The following CDH17 variants were observed in gnomAD, a reference collection of about 807,000 sequenced individuals.
The protein encoded by CDH17 is cadherin-17.
A neutral mutation model predicts 86.3 loss-of-function variants in CDH17; 67 were observed. The ratio of observed to expected loss-of-function variants is 0.78; its 90% CI spans 0.64 to 0.95. CDH17 has a LOEUF of 0.95. CDH17 is among the 40% of genes least tolerant of loss of function. CDH17 has a pLI of 0.00. For synonymous variants in CDH17, 367 were observed against 366.4 expected (o/e 1.00, Z -0.02); for missense variants, 993 against 1,017.6 (o/e 0.98, Z 0.33).
chr8:94,130,643 G>T lies in CDH17; in HGVS notation c.2381C>A (p.Thr794Asn), dbSNP rs937759442. 8 of 1,610,682 alleles carry T rather than the reference G, an allele frequency of 5.0e-6. No homozygotes were observed. The highest frequency in any genetic ancestry group is 6.8e-6 in the Non-Finnish European group (8 of 1,177,276). Residue 794 changes from threonine (T) to asparagine (N), a missense_variant, in exon 17 of 18, where the codon ACC becomes AAC. Thr to Asn is a moderately conservative substitution (Grantham distance 65). Coordinates refer to ENST00000027335, the MANE Select transcript of CDH17 (RefSeq NM_004063.4). ...ACACTCACCAATCACCAGAAGGGTGGTCAGCAGTATACCAACTGCCATGCC... is the reference window on the plus strand; with the variant it reads ...ACACTCACCAATCACCAGAAGGGTGTTCAGCAGTATACCAACTGCCATGCC... ...TVGMAVGILL[T>N]TLLVIGIILA...
intron 12 of CDH17, among the ~76,000 whole-genome samples, chr8:94,158,181 A>G (rs1278158048): frequency 6.6e-6 from 1 of 152,198 alleles, no homozygotes; most frequent in African/African-American, 2.4e-5. Flanking sequence ...GAATTCATTT[A>G]TTCATTAAGT....
chr8:94,156,929 T>C (rs778433385), intron 12 of CDH17, among the ~76,000 whole-genome samples: 4 of 152,184 alleles, frequency 2.6e-5, no homozygotes, highest in Admixed American at 6.5e-5. Context: ...GGTTACATCA[T>C]TTGGTCAAGG....
chr8:94,153,991 A>T (rs1812903521), intron 12 of CDH17, among the ~76,000 whole-genome samples: 1 of 152,242 alleles, frequency 6.6e-6, no homozygotes. Flanking sequence ...AGTTAACAAC[A>T]ATATAGTGTA....
chr8:94,182,719 A>C (rs953380575), intron 3 of CDH17, among the ~76,000 whole-genome samples: 11 of 152,224 alleles, frequency 7.2e-5, no homozygotes, highest in Admixed American at 5.9e-4. Flanking sequence ...AAGGATACTC[A>C]ATCTTGCCAC....
At chr8:94,201,513 C>G (rs1674259575) in intron 1 of CDH17, among the ~76,000 whole-genome samples, 2 of 152,212 alleles carry the variant, frequency 1.3e-5, no homozygotes, top group South Asian at 4.1e-4. Context: ...AATGTACAGA[C>G]AGCCATCTAC....
chr8:94,168,143 T>TATATACATAC (rs1554587694), intron 9 of CDH17, among the ~76,000 whole-genome samples: 1 of 101,592 alleles, frequency 9.8e-6, no homozygotes, highest in African/African-American at 5.9e-5. Flanking sequence ...TATATATATA[T>TATATACATAC]ATATATATAT....
intron 1 of CDH17, among the ~76,000 whole-genome samples, chr8:94,195,213 A>C (rs1813759800): frequency 6.6e-6 from 1 of 152,084 alleles, no homozygotes; most frequent in Admixed American, 6.5e-5. Context: ...ATGGTGACCA[A>C]GCTAGTTTCG....
intron 17 of CDH17, among the ~76,000 whole-genome samples, chr8:94,129,088 T>A (rs980286416): frequency 6.6e-6 from 1 of 152,270 alleles, no homozygotes; most frequent in Non-Finnish European, 1.5e-5. Flanking sequence ...GAAAATAAGG[T>A]CATGAAACTG....
At chr8:94,145,743 C>G (rs1419298736) in intron 15 of CDH17, among the ~76,000 whole-genome samples, 185 bp downstream of exon 15, 1 of 152,166 alleles carries the variant, frequency 6.6e-6, no homozygotes, top group African/African-American at 2.4e-5. Flanking sequence ...ATAATCTTTC[C>G]TCCCTTGAAA....
Position 94,165,820 on chromosome 8 carries a change from T to G in CDH17, c.1223A>C (p.Gln408Pro). ...TYAGMLQLAK[Q>P]SLKKQDTPQY... Reference sequence around the variant, plus strand: ...AGGAGTATCTTGCTTCTTCAAGGACTGTTTAGCTAACTGTAACATTCCAGC... The same window carrying G: ...AGGAGTATCTTGCTTCTTCAAGGACGGTTTAGCTAACTGTAACATTCCAGC... Residue 408 changes from glutamine to proline, a missense_variant, in exon 10 of 18, where the codon CAG becomes CCG. Transcript: ENST00000027335. The G allele has an allele frequency of 6.2e-7, 1 of 1,614,010 alleles. No homozygotes were observed. Among genetic ancestry groups the G allele is most frequent in the South Asian group, 1.1e-5 (1 of 91,072 alleles).
At chr8:94,128,545 T>G (rs1044054833) in intron 17 of CDH17, among the ~76,000 whole-genome samples, 1 of 152,174 alleles carries the variant, frequency 6.6e-6, no homozygotes, top group Non-Finnish European at 1.5e-5. Flanking sequence ...TCCTGTTGTA[T>G]GTATGTATCA....
At chr8:94,210,226 TAAAAA>T (rs71567010), upstream of CDH17, among the ~76,000 whole-genome samples, 1 of 53,432 alleles carries the variant, frequency 1.9e-5, no homozygotes, top group Non-Finnish European at 3.3e-5. Context: ...TTTATGCGAG[TAAAAA>T]AAAAAAAAAA....
At chr8:94,216,404 T>A (rs1362650376) in intron 1 of CDH17, among the ~76,000 whole-genome samples, 1 of 152,110 alleles carries the variant, frequency 6.6e-6, no homozygotes, top group Non-Finnish European at 1.5e-5. Context: ...GCTCTATCAA[T>A]GAGCCTCAGC....
chr8:94,153,888 G>A (rs923204083), intron 12 of CDH17, among the ~76,000 whole-genome samples: 1 of 152,168 alleles, frequency 6.6e-6, no homozygotes, highest in Non-Finnish European at 1.5e-5. Flanking sequence ...AGGAGCTGGG[G>A]CATGAGGAGA....
upstream of CDH17, among the ~76,000 whole-genome samples, chr8:94,209,114 C>T (rs754058727): frequency 2.0e-5 from 3 of 152,162 alleles, no homozygotes; most frequent in African/African-American, 4.8e-5. Flanking sequence ...AAGAAACAAC[C>T]GATAGCAAAT....
intron 15 of CDH17, among the ~76,000 whole-genome samples, chr8:94,139,899 T>TA (rs1391784636): frequency 7.3e-5 from 10 of 137,450 alleles, no homozygotes; most frequent in African/African-American, 1.5e-4. Flanking sequence ...AAATAAAAAA[T>TA]AAATAAAAAA....
At position 94,160,127 on chromosome 8, in the gene CDH17, A is replaced by C; in HGVS notation, c.1395T>G (p.Ile465Met). The C allele has an allele frequency of 6.2e-7, 1 of 1,613,232 alleles. No homozygotes were observed. Among genetic ancestry groups the C allele is most frequent in the Non-Finnish European group, 8.5e-7 (1 of 1,179,652 alleles). Residue 465 changes from isoleucine (I) to methionine (M), a missense_variant, in exon 12 of 18, where the codon ATT becomes ATG. Coordinates refer to ENST00000027335, the MANE Select transcript of CDH17 (RefSeq NM_004063.4). ...CCTGGATGGTTAAGATGGTGGACCCAATGTTTGTGTCTTCAGCAAGAGTCA... is the reference window on the plus strand; with the variant it reads ...CCTGGATGGTTAAGATGGTGGACCCCATGTTTGTGTCTTCAGCAAGAGTCA... ...GNLTLAEDTNIGSTILTIQAT... is the reference protein window; with the variant it reads ...GNLTLAEDTNMGSTILTIQAT...
chr8:94,203,288 C>T (rs775647361), intron 1 of CDH17, among the ~76,000 whole-genome samples: 4 of 152,140 alleles, frequency 2.6e-5, no homozygotes, highest in Non-Finnish European at 4.4e-5. Flanking sequence ...TCACCTAGCA[C>T]TAAGGCTGAG....
In CDH17 at chr8:94,173,859, C is replaced by A. The variant is rs1435064928; in HGVS notation, c.721G>T (p.Ala241Ser). 6.2e-7 allele frequency: 1 copy of A among 1,613,902 alleles called. No individual in the cohort carries two copies. The highest frequency in any genetic ancestry group is 1.3e-5 in the African/African-American group (1 of 75,004). Residue 241 changes from alanine to serine, a missense_variant, in exon 7 of 18, where the codon GCA becomes TCA. By Grantham distance (99) the Ala-to-Ser change is moderately conservative. Transcript: ENST00000027335. ...DIIVTENIWKAPKPVEMVENS... is the reference protein window; with the variant it reads ...DIIVTENIWKSPKPVEMVENS... ...TCCACCATCTCCACAGGTTTTGGTGCTTTCCAAATATTCTCTGTCACTATG... is the reference window on the plus strand; with the variant it reads ...TCCACCATCTCCACAGGTTTTGGTGATTTCCAAATATTCTCTGTCACTATG...
Sources: gnomAD v4.1 joint callset for allele counts (sites outside exome capture counted in the v4.1 genomes callset) on GRCh38, gnomAD v4.1.1 for gene constraint, MANE v1.5 for transcripts, NCBI Gene and HGNC (gene_info 2026-07-23, HGNC 2026-07-21) for gene names.